The following KCNQ3 variants were observed in gnomAD, a reference collection of about 807,000 sequenced individuals.
KCNQ3 encodes the protein potassium voltage-gated channel subfamily KQT member 3.
KCNQ3 carries 30 observed loss-of-function variants against 92.5 expected under a neutral mutation model. The observed-to-expected ratio is 0.32, with a 90% CI of 0.24 to 0.44. The LOEUF (loss-of-function observed/expected upper bound fraction) is 0.44. KCNQ3 is among the 20% of genes least tolerant of loss of function. The probability of loss-of-function intolerance (pLI) is 1.00; values close to 1 mark genes in which losing one functional copy is unlikely to be tolerated. For synonymous variants in KCNQ3, 450 were observed against 468.8 expected, an observed-to-expected ratio of 0.96 and a Z score of 0.52; for missense variants, 913 against 1,140.3, an observed-to-expected ratio of 0.80 and a Z score of 2.87.
At chr8:132,187,133 G>T (rs1358623106) in intron 1 of KCNQ3, 3 of 455,934 alleles carry the variant, frequency 6.6e-6, no homozygotes, top group Non-Finnish European at 1.3e-5. Flanking sequence ...GTGAAGCTTG[G>T]TAGTACATAC....
At chr8:132,140,371 C>T (rs2130942932) in intron 10 of KCNQ3, 193 bp from the exon 11 acceptor site, 1 of 569,708 alleles carries the variant, frequency 1.8e-6, no homozygotes, top group Admixed American at 3.2e-5. Context: ...CATTCTATTA[C>T]CCAGAAGTCC....
At chr8:132,361,111 T>C (rs753956824) in intron 1 of KCNQ3, among the ~76,000 whole-genome samples, 2 of 152,210 alleles carry the variant, frequency 1.3e-5, no homozygotes, top group Non-Finnish European at 2.9e-5. Flanking sequence ...ATAAGGGGGC[T>C]GAGGTACATA....
chr8:132,326,374 A>G (rs1818052655), intron 1 of KCNQ3, among the ~76,000 whole-genome samples: 1 of 152,212 alleles, frequency 6.6e-6, no homozygotes, highest in Non-Finnish European at 1.5e-5. Flanking sequence ...TCCATCAGAC[A>G]AATCTTTTGA....
chr8:132,304,021 G>A (rs2130592989), intron 1 of KCNQ3, among the ~76,000 whole-genome samples: 1 of 152,090 alleles, frequency 6.6e-6, no homozygotes, highest in East Asian at 1.9e-4. Flanking sequence ...GGAACTGGAG[G>A]CCATTATCTT....
chr8:132,155,361 C>T (rs187026848), intron 9 of KCNQ3, among the ~76,000 whole-genome samples: 216 of 152,136 alleles, frequency 1.4e-3, no homozygotes, highest in Non-Finnish European at 1.3e-4. Context: ...GGATTCAAAT[C>T]TAGGTTGATC....
intron 1 of KCNQ3, among the ~76,000 whole-genome samples, chr8:132,306,886 G>A (rs1174422912): frequency 6.6e-6 from 1 of 152,128 alleles, no homozygotes; most frequent in African/African-American, 2.4e-5. Context: ...AGGTGGTGGA[G>A]GAATCCACAT....
Position 132,124,427 on chromosome 8 carries a change from C to T in KCNQ3, c.*4835G>A, listed in dbSNP as rs2130915070. The stretch of plus-strand genomic sequence containing the variant: ...GGCTTTGTGTGTACATTGATTGTCT[C>T]ACTTGAAAATCAAAACACGGCAGAA... On this transcript the variant is annotated 3_prime_UTR_variant, in exon 15 of 15. Transcript: ENST00000388996. 6.6e-6 allele frequency: 1 copy of T among 152,324 alleles called. No individual in the cohort carries two copies. The highest frequency in any genetic ancestry group is 2.4e-5 in the African/African-American group (1 of 41,570). 9.4% of individuals were successfully genotyped at this position (152,324 alleles called of 1,614,324 possible).
intron 1 of KCNQ3, among the ~76,000 whole-genome samples, chr8:132,300,658 C>T (rs1343266201): frequency 6.6e-6 from 1 of 152,164 alleles, no homozygotes; most frequent in Non-Finnish European, 1.5e-5. Context: ...TTTTCCAAAA[C>T]TACCTGGGCA....
chr8:132,378,321 G>A (rs183581386), intron 1 of KCNQ3, among the ~76,000 whole-genome samples: 1 of 152,182 alleles, frequency 6.6e-6, no homozygotes, highest in African/African-American at 2.4e-5. Flanking sequence ...GAACTTGGGA[G>A]GCAGAGGTTG....
intron 1 of KCNQ3, among the ~76,000 whole-genome samples, chr8:132,446,630 C>T (rs191353778): frequency 3.2e-4 from 48 of 152,312 alleles, no homozygotes; most frequent in Admixed American, 7.2e-4. Context: ...CCAGGCAATG[C>T]TAATTACTGG....
At chr8:132,466,735 T>A (rs1587048826) in intron 1 of KCNQ3, among the ~76,000 whole-genome samples, 1 of 152,320 alleles carries the variant, frequency 6.6e-6, no homozygotes, top group South Asian at 2.1e-4. Flanking sequence ...GGGGCAAAAT[T>A]CGTTCTGGGA....
intron 4 of KCNQ3, among the ~76,000 whole-genome samples, chr8:132,178,573 G>C (rs1390299241): frequency 6.6e-6 from 1 of 152,130 alleles, no homozygotes; most frequent in Non-Finnish European, 1.5e-5. Flanking sequence ...CATTAAAATA[G>C]AATGACATCT....
At chr8:132,273,419 G>A (rs1396268323) in intron 1 of KCNQ3, among the ~76,000 whole-genome samples, 1 of 152,176 alleles carries the variant, frequency 6.6e-6, no homozygotes, top group African/African-American at 2.4e-5. Flanking sequence ...AAGTCCTTAG[G>A]CTGCACACAG....
In KCNQ3 at chr8:132,127,938, A is replaced by G. The variant is rs1241295464; in HGVS notation, c.*1324T>C. The stretch of plus-strand genomic sequence containing the variant: ...ATCTGGGTTGGTTCCATAAATTTGG[A>G]AAAGTAAAATTGGACGGTTCTGGAA... On this transcript the variant is annotated 3_prime_UTR_variant, in exon 15 of 15. Transcript: ENST00000388996. The G allele has an allele frequency of 6.6e-6, 1 of 152,218 alleles. No homozygotes were observed. Among genetic ancestry groups the G allele is most frequent in the Non-Finnish European group, 1.5e-5 (1 of 68,042 alleles). 9.4% of individuals were successfully genotyped at this position (152,218 alleles called of 1,614,324 possible). A position where few individuals can be genotyped will look rare whatever the true frequency, so the allele number is the denominator to read the frequency against.
At chr8:132,186,243 G>C in intron 1 of KCNQ3, 62 bp from the exon 2 acceptor site, 2 of 1,204,878 alleles carry the variant, frequency 1.7e-6, no homozygotes, top group Non-Finnish European at 1.2e-6. Flanking sequence ...TTGAGGCTAA[G>C]ATGGGGAAAG....
At chr8:132,225,128 T>C (rs997630602) in intron 1 of KCNQ3, among the ~76,000 whole-genome samples, 11 of 152,184 alleles carry the variant, frequency 7.2e-5, no homozygotes, top group African/African-American at 2.4e-4. Context: ...CTTGCCCCAG[T>C]AGGAAAAACT....
intron 1 of KCNQ3, among the ~76,000 whole-genome samples, chr8:132,316,017 C>T (rs2130623135): frequency 6.6e-6 from 1 of 152,162 alleles, no homozygotes; most frequent in South Asian, 2.1e-4. Context: ...TTTATAGAAA[C>T]ATTTTTACTA....
chr8:132,225,561 C>T (rs1814384671), intron 1 of KCNQ3, among the ~76,000 whole-genome samples: 1 of 152,154 alleles, frequency 6.6e-6, no homozygotes, highest in African/African-American at 2.4e-5. Flanking sequence ...AAGAGGGTGA[C>T]AGTGATGTGC....
chr8:132,391,573 C>T (rs770554888), intron 1 of KCNQ3, among the ~76,000 whole-genome samples: 23 of 152,134 alleles, frequency 1.5e-4, no homozygotes, highest in Non-Finnish European at 2.6e-4. Context: ...ACAAACATCA[C>T]CAAACTACTC....
Sources: gnomAD v4.1 joint callset for allele counts (sites outside exome capture counted in the v4.1 genomes callset) on GRCh38, gnomAD v4.1.1 for gene constraint, MANE v1.5 for transcripts, NCBI Gene and HGNC (gene_info 2026-07-23, HGNC 2026-07-21) for gene names.